The following DDAH1 variants were observed in gnomAD, a reference collection of about 807,000 sequenced individuals.
The protein encoded by DDAH1 is dimethylarginine dimethylaminohydrolase 1, also known as N(G),N(G)-dimethylarginine dimethylaminohydrolase 1.
DDAH1 carries 19 observed loss-of-function variants against 28.8 expected under a neutral mutation model. That is an observed-to-expected ratio of 0.66 (90% CI 0.46 to 0.97). The LOEUF (loss-of-function observed/expected upper bound fraction) is 0.97, where lower values mean the gene tolerates loss of function less well. Ranked by LOEUF, DDAH1 falls within the 50% of genes least tolerant of loss-of-function variation. DDAH1 has a pLI of 0.00. For missense variants in DDAH1, 326 were observed against 375.9 expected (o/e 0.87, Z 1.10); for synonymous variants, 153 against 154.4 (o/e 0.99, Z 0.07).
Position 85,561,628 on chromosome 1 carries a change from C to T in DDAH1, c.-123+16356G>A, listed in dbSNP as rs138614636. On this transcript the variant is annotated intron_variant, in intron 1 of 6. Coordinates refer to the DDAH1 transcript ENST00000426972. ...TGTTAAGTACCAAGATAGTCTCTCA[C>T]GGTTCTTACTGGGGAGAAAGTCACA... Among the ~76,000 whole-genome samples the T allele has an allele frequency of 1.4e-4, 21 of 152,192 alleles. No individual in the cohort carries two copies. In the East Asian group the frequency reaches 3.1e-3, roughly 22 times the overall value.
At chr1:85,447,855 T>C (rs11161617) in intron 1 of DDAH1, 28,556 of 152,264 alleles carry the variant, frequency 0.19, 3,041 homozygotes, top group Middle Eastern at 0.27. Context: ...ACCCTCTTCC[T>C]TCACGCTGAA....
chr1:85,578,108 G>A (rs1377034372), exon 1 of DDAH1: 1 of 597,132 alleles, frequency 1.7e-6, no homozygotes, highest in Non-Finnish European at 2.1e-6. Context: ...AGGACTTGAG[G>A]AGCCGCTGTT....
At chr1:85,365,949 C>T (rs1056222394) in intron 1 of DDAH1, among the ~76,000 whole-genome samples, 1 of 152,050 alleles carries the variant, frequency 6.6e-6, no homozygotes, top group Non-Finnish European at 1.5e-5. Flanking sequence ...AACCCTTAAA[C>T]GTGGGTTTAA....
Position 85,319,479 on chromosome 1 carries a change from C to T in DDAH1, c.*1973G>A, listed in dbSNP as rs1002550846. On this transcript the variant is annotated 3_prime_UTR_variant, in exon 6 of 6. Transcript: ENST00000284031. The stretch of plus-strand genomic sequence containing the variant: ...GGTAAGCCTAAACTGGCAGATTGGG[C>T]CATTTTTCCTGTGGTTGTATTTGAG... 2 of 152,108 alleles carry T rather than the reference C, an allele frequency of 1.3e-5. No individual in the cohort carries two copies. The highest frequency in any genetic ancestry group is 2.9e-5 in the Non-Finnish European group (2 of 68,016). The allele number at this position is 152,108 out of a possible 1,614,324, so 9.4% of individuals were successfully genotyped here.
At chr1:85,439,179 G>A (rs1382627422) in intron 1 of DDAH1, among the ~76,000 whole-genome samples, 1 of 152,166 alleles carries the variant, frequency 6.6e-6, no homozygotes, top group African/African-American at 2.4e-5. Flanking sequence ...TAATTAGCAG[G>A]GGTGGAATAT....
chr1:85,544,313 C>T (rs534843631), intron 1 of DDAH1, among the ~76,000 whole-genome samples: 1 of 152,272 alleles, frequency 6.6e-6, no homozygotes, highest in South Asian at 2.1e-4. Context: ...CGTGGCATTG[C>T]TTGACAGACA....
chr1:85,435,237 G>A (rs1653879916), intron 1 of DDAH1: 1 of 152,180 alleles, frequency 6.6e-6, no homozygotes. Context: ...AGTTCGACCT[G>A]TAACTGACTG....
intron 2 of DDAH1, among the ~76,000 whole-genome samples, chr1:85,356,541 T>C (rs1649497517): frequency 6.6e-6 from 1 of 152,190 alleles, no homozygotes; most frequent in African/African-American, 2.4e-5. Context: ...AAATTGCAAA[T>C]GTTATGTGTG....
At chr1:85,358,899 A>C in intron 1 of DDAH1, 52 bp from the exon 2 acceptor site, 1 of 1,368,462 alleles carries the variant, frequency 7.3e-7, no homozygotes. Flanking sequence ...CCTAACAAGA[A>C]AAAAACATCC....
intron 1 of DDAH1, among the ~76,000 whole-genome samples, chr1:85,422,905 T>C (rs1160631378): frequency 6.6e-6 from 1 of 152,176 alleles, no homozygotes; most frequent in Non-Finnish European, 1.5e-5. Flanking sequence ...GTCTGAAAGC[T>C]AGGAAGAGAG....
intron 1 of DDAH1, among the ~76,000 whole-genome samples, chr1:85,455,512 C>T (rs1654846109): frequency 1.3e-5 from 2 of 151,932 alleles, no homozygotes; most frequent in South Asian, 4.1e-4. Context: ...TATTAGAAAA[C>T]TAACAGTTCA....
At chr1:85,402,725 T>C (rs543604473) in intron 1 of DDAH1, among the ~76,000 whole-genome samples, 21 of 152,098 alleles carry the variant, frequency 1.4e-4, no homozygotes, top group African/African-American at 5.1e-4. Context: ...CTGGCCAACA[T>C]GGTGAAACCC....
chr1:85,361,068 A>C (rs930988867), intron 1 of DDAH1, among the ~76,000 whole-genome samples: 2 of 152,368 alleles, frequency 1.3e-5, no homozygotes, highest in East Asian at 3.9e-4. Flanking sequence ...CTGCAGGGCC[A>C]TATGGCATCA....
At chr1:85,500,877 T>C (rs897328947) in intron 1 of DDAH1, among the ~76,000 whole-genome samples, 3 of 151,826 alleles carry the variant, frequency 2.0e-5, no homozygotes, top group Non-Finnish European at 2.9e-5. Context: ...GGATTTTTTT[T>C]TCATTTTAGG....
chr1:85,542,722 C>A (rs1658507405), intron 1 of DDAH1, among the ~76,000 whole-genome samples: 1 of 152,202 alleles, frequency 6.6e-6, no homozygotes, highest in Non-Finnish European at 1.5e-5. Context: ...TACACTTTCA[C>A]ACATATGACC....
chr1:85,439,260 C>T (rs1654083053), intron 1 of DDAH1, among the ~76,000 whole-genome samples: 1 of 152,204 alleles, frequency 6.6e-6, no homozygotes, highest in Non-Finnish European at 1.5e-5. Context: ...TCAGGAATTT[C>T]CCACTGTACC....
At chr1:85,568,426 A>G (rs1378147441) in intron 1 of DDAH1, among the ~76,000 whole-genome samples, 1 of 152,206 alleles carries the variant, frequency 6.6e-6, no homozygotes, top group Admixed American at 6.5e-5. Context: ...CTCCCTTCTT[A>G]TCCACTGTGC....
chr1:85,331,240 T>C (rs1647740172), intron 4 of DDAH1, among the ~76,000 whole-genome samples: 1 of 152,360 alleles, frequency 6.6e-6, no homozygotes, highest in South Asian at 2.1e-4. Flanking sequence ...TTCTTACTCA[T>C]GCTTTCTTTG....
upstream of DDAH1, among the ~76,000 whole-genome samples, chr1:85,467,942 T>C (rs571413489): frequency 2.6e-5 from 4 of 152,178 alleles, no homozygotes; most frequent in South Asian, 8.3e-4. Context: ...AACAAAGTGC[T>C]ACAGGAAGGT....
Sources: allele counts gnomAD v4.1 joint callset (sites outside exome capture counted in the v4.1 genomes callset), GRCh38; gene constraint gnomAD v4.1.1; transcripts MANE v1.5; gene names NCBI Gene and HGNC (gene_info 2026-07-23, HGNC 2026-07-21).